The following NUP210L variants were observed in gnomAD, a reference collection of about 807,000 sequenced individuals.
NUP210L encodes nucleoporin 210 like, also known as nuclear pore membrane glycoprotein 210-like.
In NUP210L, 74 loss-of-function variants were observed where a neutral mutation model predicts 208.5. The observed-to-expected ratio is 0.35, with a 90% CI of 0.29 to 0.43. NUP210L has a LOEUF of 0.43. Ranked by LOEUF, NUP210L falls within the 20% of genes least tolerant of loss-of-function variation. NUP210L has a pLI of 1.00. For synonymous variants in NUP210L, 780 were observed against 816.9 expected (o/e 0.95, Z 0.77); for missense variants, 1,843 against 2,289.4 (o/e 0.81, Z 3.98).
intron 32 of NUP210L, 108 bp from the exon 33 acceptor site, chr1:154,019,177 C>T (rs1651420702): frequency 1.8e-6 from 2 of 1,092,880 alleles, no homozygotes; most frequent in African/African-American, 1.6e-5. Flanking sequence ...GATATCTCTT[C>T]CCAGGAGAAA....
exon 7 of NUP210L, chr1:154,135,832 G>A: frequency 1.2e-6 from 2 of 1,614,014 alleles, no homozygotes; most frequent in Non-Finnish European, 1.7e-6. Context: ...ACAAAGACAA[G>A]ATTAGTCTGG....
At chr1:153,999,268 A>G (rs560173757) in intron 37 of NUP210L, among the ~76,000 whole-genome samples, 151 of 152,280 alleles carry the variant, frequency 9.9e-4, no homozygotes, top group Middle Eastern at 6.8e-3. Context: ...ATGGTTCTCT[A>G]GCTTTTCTAA....
intron 12 of NUP210L, among the ~76,000 whole-genome samples, chr1:154,114,130 A>G (rs1390784831): frequency 3.3e-5 from 5 of 150,496 alleles, no homozygotes; most frequent in Admixed American, 6.7e-5. Flanking sequence ...GCAACAGCGC[A>G]AGACTCCATC....
chr1:154,136,992 T>C lies in NUP210L; in HGVS notation c.851-1020A>G, dbSNP rs531840022. On this transcript the variant is annotated intron_variant, in intron 6 of 39. Coordinates refer to ENST00000368559, the Ensembl canonical transcript of NUP210L. ...GAATATTAAGCTTTCAGTCGATGAATTGAGTTTCTCAAGAAACAACTTTTG... is the reference window on the plus strand; with the variant it reads ...GAATATTAAGCTTTCAGTCGATGAACTGAGTTTCTCAAGAAACAACTTTTG... Among the ~76,000 whole-genome samples, 5 of 150,446 alleles carry C rather than the reference T, an allele frequency of 3.3e-5. No homozygotes were observed. In the South Asian group the frequency reaches 8.4e-4, roughly 25 times the overall value.
chr1:153,999,241 A>C (rs139106490), intron 37 of NUP210L, among the ~76,000 whole-genome samples: 7 of 152,296 alleles, frequency 4.6e-5, no homozygotes, highest in Admixed American at 2.0e-4. Flanking sequence ...CGTGACAAAT[A>C]CAATATAAGG....
chr1:154,011,193 G>A (rs373911215), intron 34 of NUP210L, among the ~76,000 whole-genome samples: 4 of 150,646 alleles, frequency 2.7e-5, no homozygotes, highest in Admixed American at 6.6e-5. Context: ...GGAATAAAAC[G>A]TCAGTCTGTT....
intron 27 of NUP210L, among the ~76,000 whole-genome samples, chr1:154,039,203 T>G (rs1366828363): frequency 6.6e-6 from 1 of 152,026 alleles, no homozygotes; most frequent in Non-Finnish European, 1.5e-5. Context: ...CTGGTATTGA[T>G]GAAATCCCTC....
intron 38 of NUP210L, among the ~76,000 whole-genome samples, chr1:153,994,199 T>A (rs997140275): frequency 2.0e-5 from 3 of 152,116 alleles, no homozygotes; most frequent in Middle Eastern, 3.2e-3. Context: ...ACTTGAATTA[T>A]CCCTAACTAT....
intron 30 of NUP210L, among the ~76,000 whole-genome samples, chr1:154,024,708 T>C (rs1401897055): frequency 6.6e-6 from 1 of 150,772 alleles, no homozygotes; most frequent in Non-Finnish European, 1.5e-5. Flanking sequence ...TTTTTTCATT[T>C]TTTGTAGAGA....
intron 13 of NUP210L, 38 bp from the exon 14 acceptor site, chr1:154,100,181 G>C: frequency 6.2e-7 from 1 of 1,608,756 alleles, no homozygotes; most frequent in Non-Finnish European, 8.5e-7. Context: ...AGGGCGTGGT[G>C]GCTCAGGCTT....
rs555586184 is a variant in NUP210L at position 154,059,193 on chromosome 1, C to T, written c.2851-500G>A. Among the ~76,000 whole-genome samples the T allele has an allele frequency of 1.1e-4, 16 of 152,244 alleles. No homozygotes were observed. In the Middle Eastern group the frequency reaches 0.01, roughly 97 times the overall value. On this transcript the variant is annotated intron_variant, in intron 20 of 39. Transcript: ENST00000368559. Reference sequence around the variant, plus strand: ...TTACCCAAAACAAAACAAAAATTAGCTGGGCACGGTGGTCCGTGCCTGTAG... The same window carrying T: ...TTACCCAAAACAAAACAAAAATTAGTTGGGCACGGTGGTCCGTGCCTGTAG...
chr1:153,996,846 G>GT, intron 37 of NUP210L, among the ~76,000 whole-genome samples: 1 of 122,696 alleles, frequency 8.2e-6, no homozygotes, highest in Non-Finnish European at 1.7e-5. Flanking sequence ...CTGTAGACTT[G>GT]CCTTTTTTTT....
chr1:154,084,280 C>T (rs185111250), intron 16 of NUP210L, among the ~76,000 whole-genome samples: 36 of 148,908 alleles, frequency 2.4e-4, no homozygotes, highest in African/African-American at 8.9e-4. Context: ...GGTGTGATCT[C>T]GGTTCACTGC....
chr1:154,154,819 C>G lies in NUP210L; in HGVS notation c.203+23G>C, dbSNP rs753695268. On this transcript the variant is annotated intron_variant, in intron 1 of 39. Transcript: ENST00000368559. ...ACTGGATGGTAGTGAGGGTGCATAT[C>G]CTTGTCACCCACCACCCCTCACCAA... 28 of 1,587,022 alleles carry G rather than the reference C, an allele frequency of 1.8e-5. 1 individual carries two copies. In the East Asian group the frequency reaches 2.5e-4, roughly 14 times the overall value.
At chr1:154,049,137 C>G (rs1400577543) in intron 25 of NUP210L, among the ~76,000 whole-genome samples, 1 of 152,164 alleles carries the variant, frequency 6.6e-6, no homozygotes, top group African/African-American at 2.4e-5. Flanking sequence ...GCCAATTCAA[C>G]CCGCTCAATT....
chr1:154,130,618 T>C (rs138035049), intron 7 of NUP210L, among the ~76,000 whole-genome samples: 9,551 of 144,392 alleles, frequency 0.066, 368 homozygotes, highest in South Asian at 0.15. Flanking sequence ...GGTCTCACTC[T>C]GTCACCCAGG....
At chr1:154,047,291 G>A (rs891950805) in intron 25 of NUP210L, among the ~76,000 whole-genome samples, 2 of 152,162 alleles carry the variant, frequency 1.3e-5, no homozygotes, top group Admixed American at 6.5e-5. Context: ...AATGCTTGAG[G>A]TGGTGGATAC....
chr1:154,006,507 C>A (rs868467901), intron 35 of NUP210L, among the ~76,000 whole-genome samples: 1 of 151,566 alleles, frequency 6.6e-6, no homozygotes, highest in African/African-American at 2.4e-5. Context: ...TTATTTATTT[C>A]TCTGAGATGG....
Position 154,141,531 on chromosome 1 carries a change from A to G in NUP210L, c.473-7T>C. On this transcript the variant is annotated splice_region_variant and splice_polypyrimidine_tract_variant and intron_variant, in intron 3 of 39. Transcript: ENST00000368559. ...AAACTACTAAAAGTATTTCCTGTAG[A>G]GCAAGCCAAAAGCAGACAAGATAGG... is the stretch of plus-strand genomic sequence containing the variant. 6.4e-7 allele frequency: 1 copy of G among 1,561,074 alleles called. No individual in the cohort carries two copies. The highest frequency in any genetic ancestry group is 8.8e-7 in the Non-Finnish European group (1 of 1,131,538).
Sources: gnomAD v4.1 joint callset for allele counts (sites outside exome capture counted in the v4.1 genomes callset) on GRCh38, gnomAD v4.1.1 for gene constraint, MANE v1.5 for transcripts, NCBI Gene and HGNC (gene_info 2026-07-23, HGNC 2026-07-21) for gene names.